The following CAMKMT variants were observed in gnomAD, a reference collection of about 807,000 sequenced individuals.
CAMKMT encodes CaM KMT.
A neutral mutation model predicts 48.0 loss-of-function variants in CAMKMT; 53 were observed. The ratio of observed to expected loss-of-function variants is 1.10; its 90% confidence interval spans 0.89 to 1.39. The LOEUF (loss-of-function observed/expected upper bound fraction) is 1.39. Among genes scored for constraint, CAMKMT ranks in the 40% most tolerant of loss-of-function variants. The probability of loss-of-function intolerance (pLI) is 0.00; values close to 1 mark genes in which losing one functional copy is unlikely to be tolerated. For missense variants in CAMKMT, 428 were observed against 402.7 expected (o/e 1.06, Z -0.54); for synonymous variants, 165 against 152.3 (o/e 1.08, Z -0.61).
At chr2:44,388,976 T>C (rs963684804) in intron 2 of CAMKMT, among the ~76,000 whole-genome samples, 2 of 152,212 alleles carry the variant, frequency 1.3e-5, no homozygotes, top group African/African-American at 2.4e-5. Context: ...CTTTTTGTGC[T>C]GGTTGACCTC....
intron 3 of CAMKMT, among the ~76,000 whole-genome samples, chr2:44,488,214 G>C (rs1405942878): frequency 1.3e-5 from 2 of 151,994 alleles, no homozygotes. Context: ...ATTTGAGTGT[G>C]TTGGCCGGGC....
intron 3 of CAMKMT, among the ~76,000 whole-genome samples, chr2:44,445,339 G>A (rs540810457): frequency 6.6e-6 from 1 of 152,176 alleles, no homozygotes; most frequent in African/African-American, 2.4e-5. Flanking sequence ...CATACCCCAG[G>A]TATTTGCTAG....
At chr2:44,420,505 G>T (rs1172189398) in intron 3 of CAMKMT, among the ~76,000 whole-genome samples, 1 of 151,900 alleles carries the variant, frequency 6.6e-6, no homozygotes, top group Non-Finnish European at 1.5e-5. Context: ...CTTTTTTATT[G>T]ATGAAAATCC....
At chr2:44,586,402 C>G (rs1669862815) in intron 3 of CAMKMT, among the ~76,000 whole-genome samples, 1 of 151,986 alleles carries the variant, frequency 6.6e-6, no homozygotes, top group South Asian at 2.1e-4. Context: ...ATTTATCACC[C>G]CCAAAAGTTT....
chr2:44,565,274 C>T (rs1483399169), intron 3 of CAMKMT, among the ~76,000 whole-genome samples: 2 of 152,042 alleles, frequency 1.3e-5, no homozygotes, highest in Non-Finnish European at 2.9e-5. Context: ...AAGAAATAAA[C>T]ATTAAAAAAA....
chr2:44,712,397 CTGA>C (rs1035504800), intron 6 of CAMKMT, among the ~76,000 whole-genome samples: 1 of 151,904 alleles, frequency 6.6e-6, no homozygotes, highest in African/African-American at 2.4e-5. Context: ...CAGGAGGAGG[CTGA>C]TATTTTTAAC....
chr2:44,598,498 G>A (rs1445338116), intron 3 of CAMKMT, among the ~76,000 whole-genome samples: 1 of 151,388 alleles, frequency 6.6e-6, no homozygotes, highest in Non-Finnish European at 1.5e-5. Flanking sequence ...ACTTCCTGCT[G>A]GAATTAGCAT....
chr2:44,739,698 G>A (rs1381436090), intron 7 of CAMKMT, among the ~76,000 whole-genome samples: 3 of 152,162 alleles, frequency 2.0e-5, no homozygotes, highest in African/African-American at 7.2e-5. Context: ...TTGGTGGAAC[G>A]GTGGGGACAA....
chr2:44,659,313 G>A (rs1433778162), intron 3 of CAMKMT, among the ~76,000 whole-genome samples: 1 of 151,922 alleles, frequency 6.6e-6, no homozygotes, highest in Non-Finnish European at 1.5e-5. Flanking sequence ...TGTAGGCCCA[G>A]CTACTTGGGA....
intron 7 of CAMKMT, among the ~76,000 whole-genome samples, chr2:44,741,496 A>G (rs1679673988): frequency 6.6e-6 from 1 of 152,222 alleles, no homozygotes; most frequent in Non-Finnish European, 1.5e-5. Flanking sequence ...CAGATCAGAA[A>G]ACAAGCTCAG....
chr2:44,543,815 A>T (rs1667256024), intron 3 of CAMKMT, among the ~76,000 whole-genome samples: 1 of 152,224 alleles, frequency 6.6e-6, no homozygotes, highest in Non-Finnish European at 1.5e-5. Flanking sequence ...CTCACTTATG[A>T]AAGCCAGAAT....
intron 3 of CAMKMT, among the ~76,000 whole-genome samples, chr2:44,641,224 C>T (rs1673434410): frequency 6.6e-6 from 1 of 152,160 alleles, no homozygotes; most frequent in South Asian, 2.1e-4. Context: ...GTGGTTGTTT[C>T]TCTATCATGA....
intron 3 of CAMKMT, among the ~76,000 whole-genome samples, chr2:44,407,355 C>G (rs1457305624): frequency 6.6e-6 from 1 of 152,122 alleles, no homozygotes; most frequent in Non-Finnish European, 1.5e-5. Flanking sequence ...TCATTCTTGG[C>G]CATACCCTGT....
At chr2:44,733,351 G>A (rs943460414) in intron 7 of CAMKMT, among the ~76,000 whole-genome samples, 9 of 152,124 alleles carry the variant, frequency 5.9e-5, no homozygotes, top group Non-Finnish European at 8.8e-5. Flanking sequence ...TTGATTTTAT[G>A]AAGAAATACA....
intron 2 of CAMKMT, among the ~76,000 whole-genome samples, chr2:44,383,764 A>G (rs919257933): frequency 6.6e-6 from 1 of 152,190 alleles, no homozygotes; most frequent in Admixed American, 6.5e-5. Context: ...TTCATTTAGA[A>G]TAATAGTCTC....
At chr2:44,751,618 G>T (rs746191130) in intron 8 of CAMKMT, among the ~76,000 whole-genome samples, 1 of 152,148 alleles carries the variant, frequency 6.6e-6, no homozygotes, top group Non-Finnish European at 1.5e-5. Flanking sequence ...TATTTAACAC[G>T]TGTCCTTGTG....
intron 3 of CAMKMT, among the ~76,000 whole-genome samples, chr2:44,457,492 G>A (rs1424465396): frequency 1.3e-5 from 2 of 150,208 alleles, no homozygotes; most frequent in African/African-American, 4.9e-5. Flanking sequence ...TCCACCCCCC[G>A]GGTTCAAGCG....
intron 3 of CAMKMT, among the ~76,000 whole-genome samples, chr2:44,570,702 G>T (rs534537972): frequency 7.9e-5 from 12 of 152,088 alleles, no homozygotes; most frequent in Non-Finnish European, 1.5e-5. Context: ...CAGTTTTTTT[G>T]TTTGAATAAT....
At chr2:44,437,041 A>C (rs924850380) in intron 3 of CAMKMT, among the ~76,000 whole-genome samples, 3 of 152,086 alleles carry the variant, frequency 2.0e-5, no homozygotes, top group Non-Finnish European at 2.9e-5. Flanking sequence ...CTGAGCGTTT[A>C]ATTTTATTTT....
Sources: allele counts gnomAD v4.1 joint callset (sites outside exome capture counted in the v4.1 genomes callset), GRCh38; gene constraint gnomAD v4.1.1; transcripts MANE v1.5; gene names NCBI Gene and HGNC (gene_info 2026-07-23, HGNC 2026-07-21).